The following NACC2 variants were observed in gnomAD, a reference collection of about 807,000 sequenced individuals.
NACC2 encodes the protein NACC family member 2, also known as nucleus accumbens-associated protein 2.
A neutral mutation model predicts 25.1 loss-of-function variants in NACC2; 8 were observed. The observed-to-expected ratio is 0.32, with a 90% CI of 0.19 to 0.57. NACC2 has a LOEUF of 0.57. Among genes scored for constraint, NACC2 ranks in the 20% least tolerant of loss-of-function variants. The pLI, the probability that NACC2 is intolerant of heterozygous loss-of-function variation, is 0.89. For missense variants in NACC2, 644 were observed against 650.2 expected (o/e 0.99, Z 0.10); for synonymous variants, 435 against 294.7 (o/e 1.48, Z -4.88).
At chr9:136,012,054 C>CACCT (rs1300329276) in intron 5 of NACC2, 30 bp from the exon 6 acceptor site, 5 of 1,483,162 alleles carry the variant, frequency 3.4e-6, no homozygotes, top group Non-Finnish European at 4.5e-6. Context: ...TGAGCTCAGC[C>CACCT]ACCTGCCTGC....
At chr9:136,015,330 A>T (rs532777699) in intron 3 of NACC2, among the ~76,000 whole-genome samples, 53 of 152,342 alleles carry the variant, frequency 3.5e-4, no homozygotes, top group African/African-American at 1.3e-3. Flanking sequence ...TGCGCTCGCC[A>T]TCCAGAAGCA....
intron 1 of NACC2, among the ~76,000 whole-genome samples, chr9:136,072,170 G>A (rs1364492287): frequency 1.3e-5 from 2 of 152,000 alleles, no homozygotes; most frequent in Admixed American, 6.6e-5. Flanking sequence ...ACCGGGAGGC[G>A]GAGGTTGCAG....
chr9:136,061,846 G>A (rs1257700562), intron 1 of NACC2, among the ~76,000 whole-genome samples: 1 of 152,112 alleles, frequency 6.6e-6, no homozygotes, highest in East Asian at 1.9e-4. Flanking sequence ...GTGGCCGGGC[G>A]CGGTGGCTCA....
intron 2 of NACC2, among the ~76,000 whole-genome samples, chr9:136,031,610 T>C (rs1270750488): frequency 1.3e-5 from 2 of 152,168 alleles, no homozygotes; most frequent in Admixed American, 1.3e-4. Flanking sequence ...AGTGCTAGGA[T>C]TACAGGTGTG....
chr9:136,085,317 A>G (rs1047805196), intron 1 of NACC2, among the ~76,000 whole-genome samples: 11 of 151,404 alleles, frequency 7.3e-5, no homozygotes, highest in Admixed American at 1.3e-4. Context: ...GCCCGACCCA[A>G]AAAAATTTTT....
intron 1 of NACC2, among the ~76,000 whole-genome samples, chr9:136,053,606 C>T (rs906269613): frequency 5.9e-5 from 9 of 152,124 alleles, no homozygotes; most frequent in Middle Eastern, 3.4e-3. Context: ...GGACACAACC[C>T]GGGCAGGGGG....
intron 2 of NACC2, among the ~76,000 whole-genome samples, chr9:136,037,598 C>A (rs1840573216): frequency 6.6e-6 from 1 of 151,488 alleles, no homozygotes; most frequent in Middle Eastern, 3.2e-3. Flanking sequence ...ACCTCTGCCT[C>A]CTAGGTTCAA....
intron 2 of NACC2, among the ~76,000 whole-genome samples, chr9:136,029,760 G>A (rs976949097): frequency 6.6e-6 from 1 of 152,182 alleles, no homozygotes; most frequent in Non-Finnish European, 1.5e-5. Context: ...CCAGTGCCTG[G>A]AGCTGCCCAC....
intron 1 of NACC2, among the ~76,000 whole-genome samples, chr9:136,088,243 T>G (rs1011479862): frequency 6.6e-6 from 1 of 152,106 alleles, no homozygotes; most frequent in Admixed American, 6.5e-5. Context: ...GGGAGAATCT[T>G]CAATCTGGGA....
chr9:136,074,900 G>A (rs1184405312), intron 1 of NACC2, among the ~76,000 whole-genome samples: 2 of 152,238 alleles, frequency 1.3e-5, no homozygotes, highest in South Asian at 2.1e-4. Flanking sequence ...CGGCAGGGCC[G>A]GGGGATGCTG....
chr9:136,088,495 C>T (rs1170783414), intron 1 of NACC2, among the ~76,000 whole-genome samples: 6 of 152,126 alleles, frequency 3.9e-5, no homozygotes, highest in South Asian at 2.1e-4. Flanking sequence ...CGAGCCACTG[C>T]GCATGGACAT....
At chr9:136,049,050 G>A (rs1370696084) in intron 2 of NACC2, among the ~76,000 whole-genome samples, 2 of 152,232 alleles carry the variant, frequency 1.3e-5, no homozygotes, top group African/African-American at 2.4e-5. Flanking sequence ...AGTCTCCAGA[G>A]GCTGTAACCA....
chr9:136,068,425 G>A (rs891669024), intron 1 of NACC2, among the ~76,000 whole-genome samples: 4 of 148,500 alleles, frequency 2.7e-5, no homozygotes, highest in African/African-American at 1.0e-4. Flanking sequence ...CTTGAACCCA[G>A]GAGGCAGAGG....
rs1840092515 is a variant in NACC2 at position 136,010,741 on chromosome 9, A to C, written c.*775T>G. 6.6e-6 allele frequency: 1 copy of C among 152,294 alleles called. No individual in the cohort carries two copies. Among genetic ancestry groups the C allele is most frequent in the Non-Finnish European group, 1.5e-5 (1 of 68,066 alleles). 9.4% of individuals were successfully genotyped at this position (152,294 alleles called of 1,614,324 possible). A position where few individuals can be genotyped will look rare whatever the true frequency, so the allele number is the denominator to read the frequency against. Reference sequence around the variant, plus strand: ...GCTACATCAGCTGTGCACGTCCCACAGTGGGCCCGGGCGGGACAGTGGGAG... The same window carrying C: ...GCTACATCAGCTGTGCACGTCCCACCGTGGGCCCGGGCGGGACAGTGGGAG... On this transcript the variant is annotated 3_prime_UTR_variant, in exon 6 of 6. Transcript: ENST00000277554. This position sits in a 1 kb window ranked among gnomAD's most constrained non-coding sequence, Gnocchi z 4.9.
At chr9:136,033,598 T>A (rs7024715) in intron 2 of NACC2, among the ~76,000 whole-genome samples, 2 of 141,940 alleles carry the variant, frequency 1.4e-5, no homozygotes, top group East Asian at 2.1e-4. Flanking sequence ...TGGAGTGAGC[T>A]GAGATCTGCC....
intron 2 of NACC2, among the ~76,000 whole-genome samples, chr9:136,046,468 A>G (rs2131159031): frequency 6.6e-6 from 1 of 152,180 alleles, no homozygotes; most frequent in East Asian, 1.9e-4. Context: ...CGCAGGGGTG[A>G]TGGCTTAAGG....
At position 136,069,796 on chromosome 9, in the gene NACC2, C is replaced by A. The variant is rs1237889290; in HGVS notation, c.-59-19216G>T. 3.3e-5 allele frequency among the ~76,000 whole-genome samples: 5 copies of A among 151,710 alleles called. 1 individual carries two copies. Among genetic ancestry groups the A allele is most frequent in the African/African-American group, 1.2e-4 (5 of 41,024 alleles). ...CACAGCAATCCTAAATGTCCATGTA[C>A]CAGACAACGGAACTACAAAATACAT... On this transcript the variant is annotated intron_variant, in intron 1 of 5. Transcript: ENST00000277554.
intron 2 of NACC2, among the ~76,000 whole-genome samples, chr9:136,034,194 A>G (rs1476526857): frequency 6.6e-6 from 1 of 152,176 alleles, no homozygotes; most frequent in Non-Finnish European, 1.5e-5. Flanking sequence ...CCAGCGGCGG[A>G]AAAGACCTTC....
intron 2 of NACC2, among the ~76,000 whole-genome samples, chr9:136,040,165 G>A (rs925401581): frequency 6.6e-6 from 1 of 152,194 alleles, no homozygotes; most frequent in Middle Eastern, 3.4e-3. Flanking sequence ...CTAACATGGT[G>A]AAATCCTGTC....
Sources: gnomAD v4.1 joint callset for allele counts (sites outside exome capture counted in the v4.1 genomes callset) on GRCh38, gnomAD v4.1.1 for gene constraint, Gnocchi (gnomAD v3.1) non-coding constraint, MANE v1.5 for transcripts, NCBI Gene and HGNC (gene_info 2026-07-23, HGNC 2026-07-21) for gene names.